Variants in EPB41L4A observed in about 807,000 individuals in gnomAD.
EPB41L4A encodes erythrocyte membrane protein band 4.1 like 4A.
Under a neutral mutation model 108.6 loss-of-function variants are expected in EPB41L4A, and 100 were observed. The ratio of observed to expected loss-of-function variants is 0.92; its 90% confidence interval spans 0.78 to 1.09. The LOEUF (loss-of-function observed/expected upper bound fraction) is 1.09, where lower values mean the gene tolerates loss of function less well. EPB41L4A is among the 50% of genes least tolerant of loss of function. The pLI is 0.00. For synonymous variants in EPB41L4A, 319 were observed against 289.0 expected (o/e 1.10, Z -1.05); for missense variants, 1,030 against 842.7 (o/e 1.22, Z -2.75).
chr5:112,394,732 A>T (rs941492836), intron 1 of EPB41L4A, among the ~76,000 whole-genome samples: 9 of 152,216 alleles, frequency 5.9e-5, no homozygotes, highest in Non-Finnish European at 1.2e-4. Flanking sequence ...CAGAATTGGA[A>T]AAAACTACTT....
chr5:112,173,700 G>C (rs1418680246), intron 18 of EPB41L4A: 1 of 149,720 alleles, frequency 6.7e-6, no homozygotes, highest in African/African-American at 2.5e-5. Flanking sequence ...CTGGAGTGCA[G>C]TGGCCCCATC....
At position 112,321,478 on chromosome 5, in the gene EPB41L4A, T is replaced by C. The variant is rs17134351; in HGVS notation, c.100-13988A>G. Among the ~76,000 whole-genome samples, 669 of 152,294 alleles carry C rather than the reference T, an allele frequency of 4.4e-3. 9 individuals are homozygous for C. Among genetic ancestry groups the C allele is most frequent in the African/African-American group, 0.016 (652 of 41,560 alleles). The stretch of plus-strand genomic sequence containing the variant: ...TGCAACTGCCTTAATACTGCTTTAT[T>C]TGATGGAAAAACATACTGCATTATT... On this transcript the variant is annotated intron_variant, in intron 1 of 22. Transcript: ENST00000261486.
intron 1 of EPB41L4A, among the ~76,000 whole-genome samples, chr5:112,339,489 TA>T (rs1481943651): frequency 0.14 from 8,343 of 58,876 alleles, 871 homozygotes; most frequent in African/African-American, 0.3. Context: ...TATATATATA[TA>T]TATATCTATA....
At chr5:112,409,128 TAC>T (rs879607534) in intron 1 of EPB41L4A, among the ~76,000 whole-genome samples, 1,768 of 152,294 alleles carry the variant, frequency 0.012, 27 homozygotes, top group South Asian at 0.038. Context: ...AGTACATCCA[TAC>T]AATGGAATAT....
chr5:112,270,879 G>A (rs1031968993), intron 4 of EPB41L4A, among the ~76,000 whole-genome samples: 5 of 152,236 alleles, frequency 3.3e-5, no homozygotes, highest in East Asian at 3.9e-4. Flanking sequence ...GAAAAAAATC[G>A]AACACCTGTT....
chr5:112,398,846 T>C (rs2112729695), intron 1 of EPB41L4A, among the ~76,000 whole-genome samples: 1 of 151,880 alleles, frequency 6.6e-6, no homozygotes, highest in African/African-American at 2.4e-5. Context: ...TATATGGGCT[T>C]CAAGGTGACA....
intron 1 of EPB41L4A, among the ~76,000 whole-genome samples, chr5:112,401,401 T>C (rs755870556): frequency 2.0e-5 from 3 of 152,216 alleles, no homozygotes; most frequent in Non-Finnish European, 4.4e-5. Flanking sequence ...AGTGAAGAAC[T>C]AAAAGTTCCT....
At chr5:112,317,784 A>C (rs1385630235) in intron 1 of EPB41L4A, among the ~76,000 whole-genome samples, 1 of 152,208 alleles carries the variant, frequency 6.6e-6, no homozygotes, top group South Asian at 2.1e-4. Flanking sequence ...TTTTGTAAAA[A>C]TATAAAACTA....
chr5:112,169,193 A>G (rs1760433180), intron 20 of EPB41L4A, 88 bp from the exon 21 acceptor site: 12 of 918,132 alleles, frequency 1.3e-5, no homozygotes, highest in Non-Finnish European at 1.8e-5. Flanking sequence ...CCGCAAAAGA[A>G]TAACAACTTT....
chr5:112,284,945 G>A (rs1365610006), intron 2 of EPB41L4A, among the ~76,000 whole-genome samples: 3 of 152,136 alleles, frequency 2.0e-5, no homozygotes, highest in African/African-American at 7.2e-5. Flanking sequence ...CTCAGAATTA[G>A]GTTCTGAAAC....
intron 12 of EPB41L4A, among the ~76,000 whole-genome samples, chr5:112,151,734 T>C (rs796134206): frequency 4.6e-5 from 7 of 151,814 alleles, no homozygotes; most frequent in African/African-American, 1.7e-4. Flanking sequence ...ATTTAGTCTT[T>C]TTTTTTTTCT....
chr5:112,399,103 T>G (rs1289876250), intron 1 of EPB41L4A, among the ~76,000 whole-genome samples: 2 of 152,056 alleles, frequency 1.3e-5, no homozygotes, highest in Non-Finnish European at 2.9e-5. Context: ...CCACCCACTT[T>G]CCACCAATAT....
intron 1 of EPB41L4A, among the ~76,000 whole-genome samples, chr5:112,401,695 A>G (rs1205892889): frequency 6.6e-6 from 1 of 152,170 alleles, no homozygotes; most frequent in Admixed American, 6.5e-5. Context: ...ATCGAACACA[A>G]TGTAACCCAA....
rs1416582147 is a variant in EPB41L4A, at chr5:112,165,989, C to T, written c.1933-871G>A. Among the ~76,000 whole-genome samples, 3 of 152,194 alleles carry T rather than the reference C, an allele frequency of 2.0e-5. No homozygotes were observed. The East Asian group carries it at 5.8e-4, about 29-fold the overall frequency. Reference sequence around the variant, plus strand: ...TTTGGGATGGAAGATTTCTAGATAGCCAGAGGTGGGAAGAGAACACCAGTG... The same window carrying T: ...TTTGGGATGGAAGATTTCTAGATAGTCAGAGGTGGGAAGAGAACACCAGTG... On this transcript the variant is annotated intron_variant, in intron 22 of 22. Coordinates refer to ENST00000261486, the MANE Select transcript of EPB41L4A (RefSeq NM_022140.5).
chr5:112,339,530 A>ATC (rs1342352062), intron 1 of EPB41L4A, among the ~76,000 whole-genome samples: 30 of 74,368 alleles, frequency 4.0e-4, no homozygotes, highest in South Asian at 2.2e-3. Flanking sequence ...ATATATATCT[A>ATC]TATATATATA....
intron 2 of EPB41L4A, among the ~76,000 whole-genome samples, chr5:112,284,642 C>A (rs888005544): frequency 1.3e-5 from 2 of 152,218 alleles, no homozygotes; most frequent in Non-Finnish European, 2.9e-5. Context: ...ACAGACCCTG[C>A]TCTCTGATGT....
chr5:112,388,875 T>C (rs1277923861), intron 1 of EPB41L4A, among the ~76,000 whole-genome samples: 1 of 152,166 alleles, frequency 6.6e-6, no homozygotes, highest in Non-Finnish European at 1.5e-5. Flanking sequence ...GCCTCCACAC[T>C]AACAAGGGAG....
chr5:112,185,479 T>C (rs900948585), intron 17 of EPB41L4A, among the ~76,000 whole-genome samples: 2 of 152,228 alleles, frequency 1.3e-5, no homozygotes, highest in East Asian at 1.9e-4. Flanking sequence ...AACAGCACTT[T>C]GTGAGGAAGA....
chr5:112,387,753 A>G (rs989114979), intron 1 of EPB41L4A, among the ~76,000 whole-genome samples: 2 of 152,246 alleles, frequency 1.3e-5, no homozygotes, highest in African/African-American at 2.4e-5. Flanking sequence ...ACATTTTCAA[A>G]TATACATTAT....
Sources: gnomAD v4.1 joint callset for allele counts (sites outside exome capture counted in the v4.1 genomes callset) on GRCh38, gnomAD v4.1.1 for gene constraint, MANE v1.5 for transcripts, NCBI Gene and HGNC (gene_info 2026-07-23, HGNC 2026-07-21) for gene names.